Variants in PLD5 observed in about 807,000 individuals in gnomAD.
PLD5 encodes the protein phospholipase D family member 5.
A neutral mutation model predicts 61.1 loss-of-function variants in PLD5; 36 were observed. The ratio of observed to expected loss-of-function variants is 0.59; its 90% CI spans 0.45 to 0.78. The LOEUF (loss-of-function observed/expected upper bound fraction) is 0.78. Ranked by LOEUF, PLD5 falls within the 30% of genes least tolerant of loss-of-function variation. The pLI, the probability that PLD5 is intolerant of heterozygous loss-of-function variation, is 0.00. For missense variants in PLD5, 515 were observed against 644.4 expected (o/e 0.80, Z 2.17); for synonymous variants, 243 against 242.8 (o/e 1.00, Z -0.01).
Position 242,174,040 on chromosome 1 carries a change from G to T in PLD5, c.735+45948C>A, listed in dbSNP as rs374546753. On this transcript the variant is annotated intron_variant, in intron 5 of 9. Coordinates refer to ENST00000536534, the MANE Select transcript of PLD5 (RefSeq NM_001372062.1). ...AAGCAATGGCAACAAAAGCCAAAAT[G>T]GACAAATGGGATCTAATTAAACTAA... is the stretch of plus-strand genomic sequence containing the variant. 2.5e-3 allele frequency among the ~76,000 whole-genome samples: 383 copies of T among 152,042 alleles called. 4 individuals are homozygous for T. The highest frequency in any genetic ancestry group is 0.02 in the Middle Eastern group (6 of 294).
At position 242,419,572 on chromosome 1, in the gene PLD5, A is replaced by ATT. The variant is rs767869905; in HGVS notation, c.190-71332_190-71331dup. The stretch of plus-strand genomic sequence containing the variant: ...CACTACACCCGGCTAAATTTTTTGC[A>ATT]TTTTTTTTTTTTTTTTTTTTTTAGT... On this transcript the variant is annotated intron_variant, in intron 1 of 9. Transcript: ENST00000536534. Among the ~76,000 whole-genome samples, 555 of 97,074 alleles carry ATT rather than the reference A, an allele frequency of 5.7e-3. 25 individuals carry two copies. The highest frequency in any genetic ancestry group is 0.011 in the African/African-American group (241 of 22,872). 63.7% of individuals were successfully genotyped at this position (97,074 alleles called of 152,430 possible). A position where few individuals can be genotyped will look rare whatever the true frequency, so the allele number is the denominator to read the frequency against.
chr1:242,127,574 T>C (rs1390743691), intron 5 of PLD5, among the ~76,000 whole-genome samples: 5 of 152,172 alleles, frequency 3.3e-5, no homozygotes, highest in Middle Eastern at 3.4e-3. Flanking sequence ...AAACATCATA[T>C]GTTCTCACTC....
intron 1 of PLD5, among the ~76,000 whole-genome samples, chr1:242,368,245 C>T (rs1661448018): frequency 6.6e-6 from 1 of 152,162 alleles, no homozygotes; most frequent in Non-Finnish European, 1.5e-5. Flanking sequence ...CGTATTCACC[C>T]TATAAAAGCC....
chr1:242,425,884 C>T lies in PLD5; in HGVS notation c.190-77642G>A, dbSNP rs144680955. On this transcript the variant is annotated intron_variant, in intron 1 of 9. Transcript: ENST00000536534. ...GGTCTCGATCTCCTGACCTTGTGATCGGCCCACATTGGCCTCCCAAAGTGC... is the reference window on the plus strand; with the variant it reads ...GGTCTCGATCTCCTGACCTTGTGATTGGCCCACATTGGCCTCCCAAAGTGC... 3.0e-3 allele frequency among the ~76,000 whole-genome samples: 461 copies of T among 152,084 alleles called. 2 individuals carry two copies. The highest frequency in any genetic ancestry group is 0.01 in the African/African-American group (432 of 41,510).
intron 5 of PLD5, among the ~76,000 whole-genome samples, chr1:242,219,660 C>G (rs1013741947): frequency 6.6e-6 from 1 of 152,056 alleles, no homozygotes; most frequent in Non-Finnish European, 1.5e-5. Context: ...TTTGTGTTTC[C>G]CCCTGTCTCA....
chr1:242,483,083 G>C (rs778951349), intron 1 of PLD5, among the ~76,000 whole-genome samples: 5 of 152,092 alleles, frequency 3.3e-5, no homozygotes, highest in Non-Finnish European at 5.9e-5. Context: ...AGGAACAGCC[G>C]GTACCAGCCA....
rs889699437 is a variant in PLD5 at position 242,213,511 on chromosome 1, G to A, written c.735+6477C>T. Among the ~76,000 whole-genome samples, 14 of 151,898 alleles carry A rather than the reference G, an allele frequency of 9.2e-5. 1 individual carries two copies. The highest frequency in any genetic ancestry group is 1.5e-5 in the Non-Finnish European group (1 of 67,988). On this transcript the variant is annotated intron_variant, in intron 5 of 9. Coordinates refer to ENST00000536534, the MANE Select transcript of PLD5 (RefSeq NM_001372062.1). Reference sequence around the variant, plus strand: ...GGAAATATCTTGGGTACATACTAACGTCCCGGTCAGTAAGACCTCAAAAGG... The same window carrying A: ...GGAAATATCTTGGGTACATACTAACATCCCGGTCAGTAAGACCTCAAAAGG...
intron 4 of PLD5, among the ~76,000 whole-genome samples, chr1:242,253,305 C>CTTTTT (rs1181235404): frequency 5.7e-5 from 4 of 70,680 alleles, no homozygotes; most frequent in African/African-American, 2.1e-4. Flanking sequence ...CCTCTCTTCA[C>CTTTTT]TTTTTTTTTT....
chr1:242,300,935 G>T (rs1558443855), intron 2 of PLD5, among the ~76,000 whole-genome samples: 1 of 152,196 alleles, frequency 6.6e-6, no homozygotes, highest in Non-Finnish European at 1.5e-5. Context: ...AAATTCATCT[G>T]CCCCATTCCT....
intron 1 of PLD5, among the ~76,000 whole-genome samples, chr1:242,511,292 C>G (rs1396386232): frequency 6.6e-6 from 1 of 152,174 alleles, no homozygotes; most frequent in Non-Finnish European, 1.5e-5. Flanking sequence ...GGAAAATAGA[C>G]TAATCTTCCT....
chr1:242,414,119 T>A (rs1051020529), intron 1 of PLD5, among the ~76,000 whole-genome samples: 1 of 152,048 alleles, frequency 6.6e-6, no homozygotes, highest in Non-Finnish European at 1.5e-5. Flanking sequence ...GAACTGGAAA[T>A]AGGAACGCAT....
chr1:242,330,116 C>T (rs751008308), intron 2 of PLD5, among the ~76,000 whole-genome samples: 2 of 152,098 alleles, frequency 1.3e-5, no homozygotes, highest in Non-Finnish European at 2.9e-5. Context: ...CTTTAATAAG[C>T]ACCCAGGGGA....
chr1:242,449,591 A>C, intron 1 of PLD5: 10 of 1,318,746 alleles, frequency 7.6e-6, no homozygotes, highest in Non-Finnish European at 1.0e-5. Flanking sequence ...AATTTCCCCT[A>C]GAATGTGCTC....
intron 1 of PLD5, among the ~76,000 whole-genome samples, chr1:242,418,292 G>A (rs970120570): frequency 1.4e-4 from 21 of 152,162 alleles, no homozygotes; most frequent in Admixed American, 9.2e-4. Context: ...TAATTTTAGA[G>A]GGGAAGGTCA....
At chr1:242,489,431 G>A (rs995549674) in intron 1 of PLD5, among the ~76,000 whole-genome samples, 1 of 151,814 alleles carries the variant, frequency 6.6e-6, no homozygotes, top group Non-Finnish European at 1.5e-5. Context: ...GAGAGAAAAA[G>A]GGAAGGAGAG....
At chr1:242,146,386 G>C (rs1664542280) in intron 5 of PLD5, among the ~76,000 whole-genome samples, 1 of 152,062 alleles carries the variant, frequency 6.6e-6, no homozygotes, top group Non-Finnish European at 1.5e-5. Flanking sequence ...TAGATGAAAA[G>C]GTAGTGTGAT....
intron 4 of PLD5, among the ~76,000 whole-genome samples, chr1:242,239,491 T>G (rs1031380259): frequency 1.3e-5 from 2 of 152,218 alleles, no homozygotes; most frequent in Non-Finnish European, 2.9e-5. Flanking sequence ...TTGAAGATCT[T>G]TCCTTTATGT....
intron 9 of PLD5, among the ~76,000 whole-genome samples, chr1:242,098,569 A>G (rs1466760126): frequency 6.6e-6 from 1 of 152,204 alleles, no homozygotes; most frequent in Non-Finnish European, 1.5e-5. Context: ...CGTCAAAGTC[A>G]TTCTCCATCC....
intron 1 of PLD5, among the ~76,000 whole-genome samples, chr1:242,400,568 T>C (rs1484940622): frequency 6.6e-6 from 1 of 152,168 alleles, no homozygotes; most frequent in Non-Finnish European, 1.5e-5. Context: ...CTATTTTGTA[T>C]TTATACACAA....
Sources: gnomAD v4.1 joint callset for allele counts (sites outside exome capture counted in the v4.1 genomes callset) on GRCh38, gnomAD v4.1.1 for gene constraint, MANE v1.5 for transcripts, NCBI Gene and HGNC (gene_info 2026-07-23, HGNC 2026-07-21) for gene names.